NWD2: variants seen among roughly 807,000 people sequenced by gnomAD.
The protein encoded by NWD2 is NACHT and WD repeat domain containing 2.
Under a neutral mutation model 132.7 loss-of-function variants are expected in NWD2, and 37 were observed. That is an observed-to-expected ratio of 0.28 (90% CI 0.21 to 0.37). NWD2 has a LOEUF of 0.37. NWD2 is among the 10% of genes least tolerant of loss of function. The probability of loss-of-function intolerance (pLI) is 1.00; values close to 1 mark genes in which losing one functional copy is unlikely to be tolerated. For synonymous variants in NWD2, 705 were observed against 803.0 expected (o/e 0.88, Z 2.06); for missense variants, 1,592 against 2,122.4 (o/e 0.75, Z 4.91).
intron 1 of NWD2, among the ~76,000 whole-genome samples, chr4:37,256,489 A>G (rs779268295): frequency 6.6e-6 from 1 of 152,194 alleles, no homozygotes; most frequent in Non-Finnish European, 1.5e-5. Context: ...AGCAAAGAGT[A>G]GCTTCAGAAG....
chr4:37,299,418 T>C (rs1156931467), intron 1 of NWD2, among the ~76,000 whole-genome samples: 1 of 152,180 alleles, frequency 6.6e-6, no homozygotes, highest in Non-Finnish European at 1.5e-5. Context: ...TGCTGTACTC[T>C]ATATCTGAAT....
intron 3 of NWD2, among the ~76,000 whole-genome samples, chr4:37,368,863 A>G (rs763413800): frequency 6.6e-6 from 1 of 152,200 alleles, no homozygotes; most frequent in Non-Finnish European, 1.5e-5. Flanking sequence ...TCCTGTTGAG[A>G]TTTGTAACTA....
chr4:37,332,676 A>G (rs1195642432), intron 2 of NWD2, among the ~76,000 whole-genome samples: 1 of 152,206 alleles, frequency 6.6e-6, no homozygotes, highest in Non-Finnish European at 1.5e-5. Context: ...TGTGGTGGCT[A>G]TAGGGAGAGA....
intron 3 of NWD2, among the ~76,000 whole-genome samples, chr4:37,384,937 T>A (rs1160378934): frequency 3.9e-5 from 6 of 152,188 alleles, no homozygotes; most frequent in Non-Finnish European, 8.8e-5. Context: ...GCCACACCAG[T>A]TAGAAGCCAA....
At chr4:37,300,365 A>G (rs1718588923) in intron 1 of NWD2, among the ~76,000 whole-genome samples, 1 of 152,116 alleles carries the variant, frequency 6.6e-6, no homozygotes, top group Non-Finnish European at 1.5e-5. Flanking sequence ...GTGTAAGTGA[A>G]CTCATGCTAG....
intron 3 of NWD2, among the ~76,000 whole-genome samples, chr4:37,376,411 T>G (rs182121765): frequency 6.6e-6 from 1 of 152,360 alleles, no homozygotes; most frequent in African/African-American, 2.4e-5. Context: ...TATCAGCCAT[T>G]GGAATTTTTT....
chr4:37,313,335 C>T (rs969606007), intron 1 of NWD2, among the ~76,000 whole-genome samples: 4 of 151,100 alleles, frequency 2.6e-5, no homozygotes, highest in Admixed American at 6.6e-5. Context: ...AGAGATTCAA[C>T]TTCTTCCTGG....
At chr4:37,385,378 A>T (rs1720538908) in intron 3 of NWD2, among the ~76,000 whole-genome samples, 1 of 152,144 alleles carries the variant, frequency 6.6e-6, no homozygotes, top group Non-Finnish European at 1.5e-5. Flanking sequence ...TCATCAGGCA[A>T]GTGGGTTTGC....
chr4:37,292,710 T>G (rs950704737), intron 1 of NWD2, among the ~76,000 whole-genome samples: 21 of 152,188 alleles, frequency 1.4e-4, no homozygotes, highest in Non-Finnish European at 2.2e-4. Context: ...AACTTTTCCA[T>G]GGATCAGGGA....
Position 37,369,979 on chromosome 4 carries a change from T to C in NWD2, c.357+13497T>C, listed in dbSNP as rs116973651. ...GGCAGCTCCCAAAGCACCAAGAGGT[T>C]CCTCACTCCTTTCTGTTCTGTTCTT... On this transcript the variant is annotated intron_variant, in intron 3 of 6. Coordinates refer to ENST00000309447, the MANE Select transcript of NWD2 (RefSeq NM_001144990.2). Among the ~76,000 whole-genome samples the C allele has an allele frequency of 6.6e-4, 100 of 152,266 alleles. 2 individuals are homozygous for C. The East Asian group carries it at 0.018, about 28-fold the overall frequency.
chr4:37,334,650 G>A (rs1210730629), intron 2 of NWD2, among the ~76,000 whole-genome samples: 1 of 152,144 alleles, frequency 6.6e-6, no homozygotes, highest in Non-Finnish European at 1.5e-5. Context: ...ATTGAATCCA[G>A]TTAGGACAGG....
rs940980478 is a variant in NWD2 at position 37,439,803 on chromosome 4, A to G, written c.1296+413A>G. Among the ~76,000 whole-genome samples the G allele has an allele frequency of 6.6e-6, 1 of 152,202 alleles. No homozygotes were observed. The highest frequency in any genetic ancestry group is 1.5e-5 in the Non-Finnish European group (1 of 68,026). On this transcript the variant is annotated intron_variant, in intron 6 of 6. Transcript: ENST00000309447. This position sits in a 1 kb window ranked among gnomAD's most constrained non-coding sequence, Gnocchi z 4.5. ...AAGGTAAAAATGAAAATATCAGTCT[A>G]CACCTTTCTTCCCCATCTGGGGCCT...
At chr4:37,401,219 T>C (rs1720889106) in intron 3 of NWD2, among the ~76,000 whole-genome samples, 1 of 152,102 alleles carries the variant, frequency 6.6e-6, no homozygotes, top group Non-Finnish European at 1.5e-5. Flanking sequence ...CTTATTTCCC[T>C]CTTATTGAGA....
At chr4:37,376,476 T>C (rs1003439612) in intron 3 of NWD2, among the ~76,000 whole-genome samples, 6 of 152,188 alleles carry the variant, frequency 3.9e-5, no homozygotes, top group Admixed American at 6.5e-5. Flanking sequence ...ACACAGACTC[T>C]CTTTTTTTGT....
intron 3 of NWD2, among the ~76,000 whole-genome samples, chr4:37,363,587 G>A (rs1325131429): frequency 6.6e-6 from 1 of 152,020 alleles, no homozygotes; most frequent in Non-Finnish European, 1.5e-5. Context: ...CCAAAAATTG[G>A]GTACTCATGG....
At chr4:37,373,581 T>C (rs1720277762) in intron 3 of NWD2, among the ~76,000 whole-genome samples, 1 of 152,222 alleles carries the variant, frequency 6.6e-6, no homozygotes, top group Admixed American at 6.5e-5. Context: ...GAATTCTAAA[T>C]ATTCATATGC....
intron 3 of NWD2, among the ~76,000 whole-genome samples, chr4:37,401,572 A>G (rs1171526824): frequency 6.6e-6 from 1 of 152,162 alleles, no homozygotes; most frequent in Non-Finnish European, 1.5e-5. Context: ...CTTTCTTCCC[A>G]GAATTTTATG....
At chr4:37,410,217 TAA>T (rs1194045347) in intron 3 of NWD2, among the ~76,000 whole-genome samples, 1 of 151,980 alleles carries the variant, frequency 6.6e-6, no homozygotes, top group Non-Finnish European at 1.5e-5. Context: ...GCAAATTGGA[TAA>T]AGAGTCAAGA....
Position 37,443,750 on chromosome 4 carries a change from G to C in NWD2, c.1762G>C (p.Val588Leu). 3.2e-6 allele frequency: 5 copies of C among 1,551,872 alleles called. No individual in the cohort carries two copies. In the South Asian group the frequency reaches 5.9e-5, roughly 18 times the overall value. Reference sequence around the variant, plus strand: ...GGTCCTCAAACACCAGCTGCTGCGCGTCAAAAGGAAGGTCACATCAGGCCA... The same window carrying C: ...GGTCCTCAAACACCAGCTGCTGCGCCTCAAAAGGAAGGTCACATCAGGCCA... ...SQVLKHQLLR[V>L]KRKVTSGQQI... Residue 588 changes from valine (V) to leucine (L), a missense_variant, in exon 7 of 7, where the codon GTC becomes CTC. Transcript: ENST00000309447. The surrounding 1 kb of genome is among the most constrained non-coding windows in gnomAD (Gnocchi z 4.1).
Sources: gnomAD v4.1 joint callset for allele counts (sites outside exome capture counted in the v4.1 genomes callset) on GRCh38, gnomAD v4.1.1 for gene constraint, Gnocchi (gnomAD v3.1) non-coding constraint, MANE v1.5 for transcripts, NCBI Gene and HGNC (gene_info 2026-07-23, HGNC 2026-07-21) for gene names.